PGC: variants seen among roughly 807,000 people sequenced by gnomAD.
The protein encoded by PGC is gastricsin.
PGC carries 31 observed loss-of-function variants against 45.9 expected under a neutral mutation model. The observed-to-expected ratio is 0.67, with a 90% CI of 0.51 to 0.91. The LOEUF (loss-of-function observed/expected upper bound fraction) is 0.91, where lower values mean the gene tolerates loss of function less well. Ranked by LOEUF, PGC falls within the 40% of genes least tolerant of loss-of-function variation. The probability of loss-of-function intolerance (pLI) is 0.00; values close to 1 mark genes in which losing one functional copy is unlikely to be tolerated. For missense variants in PGC, 477 were observed against 493.2 expected (o/e 0.97, Z 0.31); for synonymous variants, 192 against 201.8 (o/e 0.95, Z 0.41).
intron 5 of PGC, chr6:41,741,752 C>G: frequency 6.9e-7 from 1 of 1,457,148 alleles, no homozygotes; most frequent in Non-Finnish European, 9.3e-7. Flanking sequence ...GCCTGTCTCA[C>G]TAAATGCCTG....
At chr6:41,739,745 T>G in intron 7 of PGC, 54 bp downstream of exon 7, 1 of 1,535,390 alleles carries the variant, frequency 6.5e-7, no homozygotes, top group Non-Finnish European at 8.8e-7. Flanking sequence ...GGAGAAATCA[T>G]GAATGCCTCT....
chr6:41,738,136 ATATATATG>A (rs1445708301), intron 7 of PGC, among the ~76,000 whole-genome samples: 4 of 46,634 alleles, frequency 8.6e-5, no homozygotes, highest in African/African-American at 2.8e-4. Flanking sequence ...ATATATGCAT[ATATATATG>A]CATATATATA....
At chr6:41,742,889 G>A (rs1310822218) in intron 4 of PGC, among the ~76,000 whole-genome samples, 1 of 152,200 alleles carries the variant, frequency 6.6e-6, no homozygotes, top group African/African-American at 2.4e-5. Flanking sequence ...CTTCCAAAGT[G>A]CTGGGATTAC....
rs1279386571 is a variant in PGC, at chr6:41,742,464, T to C, written c.473A>G (p.Gln158Arg). Residue 158 changes from glutamine (Q) to arginine (R), a missense_variant, in exon 5 of 9, where the codon CAG becomes CGG. Transcript: ENST00000373025. Reference sequence around the variant, plus strand: ...CTCATTCTCACTCAAGCCGAACTCCTGGTTGGGGACCTGGATGCTCTGGAC... The same window carrying C: ...CTCATTCTCACTCAAGCCGAACTCCCGGTTGGGGACCTGGATGCTCTGGAC... ...LTVQSIQVPN[Q>R]EFGLSENEPG... 1 of 1,614,116 alleles carries C rather than the reference T, an allele frequency of 6.2e-7. No individual in the cohort carries two copies. The highest frequency in any genetic ancestry group is 8.5e-7 in the Non-Finnish European group (1 of 1,179,992).
Position 41,737,744 on chromosome 6 carries a change from AG to A in PGC, c.999del (p.Ser334ProfsTer49). The A allele has an allele frequency of 6.3e-7, 1 of 1,598,658 alleles. No homozygotes were observed. Among genetic ancestry groups the A allele is most frequent in the Non-Finnish European group, 8.6e-7 (1 of 1,165,962 alleles). ...CCAGGACTTACACTGAGGATATAGG[AG>A]GAAGGTGGCAGAGGGAACTCCACAC... is the stretch of plus-strand genomic sequence containing the variant. ...INGVEFPLPPSSYILSNNGYC... is the reference protein window; with the variant it reads ...INGVEFPLPPXSYILSNNGYC... On this transcript the variant is annotated frameshift_variant, in exon 8 of 9. Transcript: ENST00000373025. LOFTEE classifies it high-confidence loss of function.
chr6:41,741,184 G>T (rs1479943187), intron 5 of PGC: 1 of 1,532,456 alleles, frequency 6.5e-7, no homozygotes, highest in African/African-American at 1.4e-5. Flanking sequence ...GTTTGTTCCA[G>T]AGGCTTCTCT....
At chr6:41,742,560 C>G (rs1217624954) in intron 4 of PGC, 71 bp from the exon 5 acceptor site, 2 of 1,094,906 alleles carry the variant, frequency 1.8e-6, no homozygotes, top group Non-Finnish European at 2.8e-6. Flanking sequence ...CCCCTAGAGA[C>G]TCCTCAAGCC....
chr6:41,741,759 C>G, intron 5 of PGC: 1 of 1,490,712 alleles, frequency 6.7e-7, no homozygotes, highest in South Asian at 1.2e-5. Context: ...TCACTAAATG[C>G]CTGCACATGC....
At chr6:41,743,096 AC>A (rs1771861890) in intron 4 of PGC, among the ~76,000 whole-genome samples, 174 bp downstream of exon 4, 1 of 152,226 alleles carries the variant, frequency 6.6e-6, no homozygotes, top group Admixed American at 6.5e-5. Context: ...AGTGCCTAGC[AC>A]ATGGTGGCCA....
rs1581952835 is a variant in PGC, at chr6:41,741,955, C to T, written c.647+335G>A. 5 of 830,354 alleles carry T rather than the reference C, an allele frequency of 6.0e-6. No homozygotes were observed. In the Admixed American group the frequency reaches 1.1e-4, roughly 17 times the overall value. 51.4% of individuals were successfully genotyped at this position (830,354 alleles called of 1,614,324 possible). A position where few individuals can be genotyped will look rare whatever the true frequency, so the allele number is the denominator to read the frequency against. ...GAGCGAACTGCCCCACCCGCTTCTC[C>T]ACCAGGAAGCCTGTCCAAGGGGTGC... On this transcript the variant is annotated intron_variant, in intron 5 of 8. Transcript: ENST00000373025.
At chr6:41,745,154 C>T (rs1771908513) in intron 1 of PGC, among the ~76,000 whole-genome samples, 2 of 152,154 alleles carry the variant, frequency 1.3e-5, no homozygotes, top group Non-Finnish European at 2.9e-5. Flanking sequence ...GTCCTCCTAT[C>T]TCCCTGGCCC....
chr6:41,746,232 CA>C (rs904520251), intron 1 of PGC, among the ~76,000 whole-genome samples: 3 of 152,156 alleles, frequency 2.0e-5, no homozygotes, highest in Admixed American at 6.5e-5. Context: ...CGGCAGCCCT[CA>C]GGCACCTGGC....
In PGC at chr6:41,743,352, G is replaced by A. The variant is rs756033297; in HGVS notation, c.366C>T (p.Thr122=). 8 of 1,614,068 alleles carry A rather than the reference G, an allele frequency of 5.0e-6. No homozygotes were observed. Among genetic ancestry groups the A allele is most frequent in the Non-Finnish European group, 6.8e-6 (8 of 1,179,886 alleles). The stretch of plus-strand genomic sequence containing the variant: ...AGAAGGTCTGCCCATTGGTGGAGTA[G>A]GTGGACGACTCGCTGGGGTTGAAGC... ...HSRFNPSESS[T]YSTNGQTFSL... The change falls in exon 4 of 9, where the codon ACC becomes ACT. Residue 122 remains threonine (T), a synonymous_variant. Coordinates refer to ENST00000373025, the MANE Select transcript of PGC (RefSeq NM_002630.4).
intron 3 of PGC, 57 bp from the exon 4 acceptor site, chr6:41,743,446 C>A: frequency 9.4e-7 from 1 of 1,063,886 alleles, no homozygotes; most frequent in Non-Finnish European, 1.5e-6. Context: ...CTGCTCAGCT[C>A]TCAGGCCTGC....
chr6:41,742,568 G>A, intron 4 of PGC, 79 bp from the exon 5 acceptor site: 3 of 1,046,432 alleles, frequency 2.9e-6, no homozygotes, highest in Admixed American at 1.7e-5. Context: ...GACTCCTCAA[G>A]CCTCTGTTCA....
chr6:41,738,554 G>C lies in PGC; in HGVS notation c.916-726C>G, dbSNP rs144623679. ...GAGGTGGGAGGATTGCTTGAGCCCAGGAGGCGGAGCTTGCAGTGAGCTGAG... is the reference window on the plus strand; with the variant it reads ...GAGGTGGGAGGATTGCTTGAGCCCACGAGGCGGAGCTTGCAGTGAGCTGAG... On this transcript the variant is annotated intron_variant, in intron 7 of 8. Coordinates refer to ENST00000373025, the MANE Select transcript of PGC (RefSeq NM_002630.4). Among the ~76,000 whole-genome samples, 985 of 152,134 alleles carry C rather than the reference G, an allele frequency of 6.5e-3. 3 individuals carry two copies. Among genetic ancestry groups the C allele is most frequent in the Non-Finnish European group, 9.2e-3 (623 of 68,020 alleles).
chr6:41,742,203 C>T (rs1395315058), intron 5 of PGC, 87 bp downstream of exon 5: 1 of 1,258,274 alleles, frequency 7.9e-7, no homozygotes, highest in Non-Finnish European at 1.1e-6. Context: ...GCCTCCAAAC[C>T]CCAAAGCATT....
rs367976955 is a variant in PGC at position 41,744,836 on chromosome 6, G to C, written c.60-28C>G. ...ACAGAAAGGTTGCATATGAGGCAAG[G>C]CCCTCCCTCCTTCCTCTCTTCCCAC... On this transcript the variant is annotated intron_variant, in intron 1 of 8. Coordinates refer to ENST00000373025, the MANE Select transcript of PGC (RefSeq NM_002630.4). This position sits in a 1 kb window ranked among gnomAD's most constrained non-coding sequence, Gnocchi z 4.4. 1 of 1,602,928 alleles carries C rather than the reference G, an allele frequency of 6.2e-7. No individual in the cohort carries two copies. The highest frequency in any genetic ancestry group is 2.2e-5 in the East Asian group (1 of 44,522).
Position 41,744,874 on chromosome 6 carries a change from C to G in PGC, c.60-66G>C. On this transcript the variant is annotated intron_variant, in intron 1 of 8. Coordinates refer to ENST00000373025, the MANE Select transcript of PGC (RefSeq NM_002630.4). This position sits in a 1 kb window ranked among gnomAD's most constrained non-coding sequence, Gnocchi z 4.4. Reference sequence around the variant, plus strand: ...CCTCTCTTCCCACTCCTCTCTTTCTCTCTCTCCTTCTCTTAACTGCATGCT... The same window carrying G: ...CCTCTCTTCCCACTCCTCTCTTTCTGTCTCTCCTTCTCTTAACTGCATGCT... 1.4e-6 allele frequency: 2 copies of G among 1,382,118 alleles called. No homozygotes were observed. Among genetic ancestry groups the G allele is most frequent in the Non-Finnish European group, 2.0e-6 (2 of 1,003,252 alleles). 85.6% of individuals were successfully genotyped at this position (1,382,118 alleles called of 1,614,324 possible). A position where few individuals can be genotyped will look rare whatever the true frequency, so the allele number is the denominator to read the frequency against.
Sources: allele counts gnomAD v4.1 joint callset (sites outside exome capture counted in the v4.1 genomes callset), GRCh38; gene constraint gnomAD v4.1.1; non-coding constraint Gnocchi (gnomAD v3.1); transcripts MANE v1.5; gene names NCBI Gene and HGNC (gene_info 2026-07-23, HGNC 2026-07-21).